AGO4: variants seen among roughly 807,000 people sequenced by gnomAD.
The protein encoded by AGO4 is protein argonaute-4.
Under a neutral mutation model 104.7 loss-of-function variants are expected in AGO4, and 33 were observed. The ratio of observed to expected loss-of-function variants is 0.32; its 90% CI spans 0.24 to 0.42. The LOEUF (loss-of-function observed/expected upper bound fraction) is 0.42. AGO4 is among the 10% of genes least tolerant of loss of function. AGO4 has a pLI of 1.00. For synonymous variants in AGO4, 331 were observed against 364.7 expected (o/e 0.91, Z 1.05); for missense variants, 711 against 1,083.4 (o/e 0.66, Z 4.83).
intron 15 of AGO4, among the ~76,000 whole-genome samples, chr1:35,844,140 C>G (rs1644512102): frequency 6.6e-6 from 1 of 152,114 alleles, no homozygotes. Flanking sequence ...CCCCCAGGCT[C>G]AGGTGATCCT....
rs143868810 is a variant in AGO4, at chr1:35,832,037, C to T, written c.1117-20C>T. On this transcript the variant is annotated intron_variant, in intron 9 of 17. Coordinates refer to ENST00000373210, the MANE Select transcript of AGO4 (RefSeq NM_017629.4). ...AGTTACTCTCTGGTTTTTATATATG[C>T]AGGCTTTCCTGTTCTTTAGGTGAAG... 5.6e-4 allele frequency: 897 copies of T among 1,606,642 alleles called. 3 individuals carry two copies. The highest frequency in any genetic ancestry group is 7.8e-4 in the Admixed American group (45 of 57,798).
chr1:35,847,094 C>A (rs1440728211), intron 15 of AGO4, among the ~76,000 whole-genome samples: 2 of 150,354 alleles, frequency 1.3e-5, no homozygotes, highest in Non-Finnish European at 2.9e-5. Flanking sequence ...GGTGTCCAAT[C>A]TTTTGGCTTC....
chr1:35,852,769 G>A (rs1644732335), intron 17 of AGO4, among the ~76,000 whole-genome samples: 1 of 152,154 alleles, frequency 6.6e-6, no homozygotes, highest in Non-Finnish European at 1.5e-5. Context: ...TTCTGTTAAA[G>A]CATGTTCCAG....
intron 15 of AGO4, among the ~76,000 whole-genome samples, chr1:35,843,605 TA>T (rs1644499783): frequency 6.6e-6 from 1 of 151,142 alleles, no homozygotes; most frequent in African/African-American, 2.4e-5. Flanking sequence ...AAAATTTAAA[TA>T]AAAAATAGAC....
chr1:35,809,783 G>A (rs116110272), intron 1 of AGO4, among the ~76,000 whole-genome samples: 211 of 152,126 alleles, frequency 1.4e-3, no homozygotes, highest in African/African-American at 4.8e-3. Flanking sequence ...ATAAATTGAG[G>A]GTAATAATAA....
chr1:35,837,740 G>T (rs1031566165), intron 13 of AGO4, among the ~76,000 whole-genome samples: 1 of 151,926 alleles, frequency 6.6e-6, no homozygotes, highest in African/African-American at 2.4e-5. Flanking sequence ...ATATTGGGTT[G>T]TGAGTCTTTT....
At chr1:35,831,303 G>A in intron 7 of AGO4, 124 bp from the exon 8 acceptor site, 2 of 1,017,466 alleles carry the variant, frequency 2.0e-6, no homozygotes, top group Non-Finnish European at 2.7e-6. Flanking sequence ...CGGAGGTTGA[G>A]ATCACGCCAT....
intron 7 of AGO4, 98 bp from the exon 8 acceptor site, chr1:35,831,329 C>T (rs745481641): frequency 5.3e-5 from 70 of 1,322,704 alleles, no homozygotes; most frequent in Middle Eastern, 2.7e-4. Context: ...CCAGCCTGGG[C>T]GACAGAGTGA....
chr1:35,838,418 C>T (rs978137083), intron 13 of AGO4, among the ~76,000 whole-genome samples: 2 of 152,056 alleles, frequency 1.3e-5, no homozygotes, highest in African/African-American at 4.8e-5. Flanking sequence ...AACTCCTGGG[C>T]TTAAGTGATC....
At chr1:35,853,388 T>C in intron 17 of AGO4, 109 bp from the exon 18 acceptor site, 1 of 786,212 alleles carries the variant, frequency 1.3e-6, no homozygotes, top group South Asian at 1.9e-5. Context: ...ACGTGTGAAG[T>C]TTGAAGTGGT....
chr1:35,856,147 A>G lies in AGO4; in HGVS notation c.*2542A>G, dbSNP rs533072741. ...GCCGGGAGGCCTATTTTTATAGGAA[A>G]ATAGTACCATTAAAGGTGCAATGCT... is the stretch of plus-strand genomic sequence containing the variant. On this transcript the variant is annotated 3_prime_UTR_variant, in exon 18 of 18. Transcript: ENST00000373210. 2 of 152,344 alleles carry G rather than the reference A, an allele frequency of 1.3e-5. No homozygotes were observed. The highest frequency in any genetic ancestry group is 2.9e-5 in the Non-Finnish European group (2 of 68,048). The allele number at this position is 152,344 out of a possible 1,614,324, so 9.4% of individuals were successfully genotyped here. A position where few individuals can be genotyped will look rare whatever the true frequency, so the allele number is the denominator to read the frequency against.
chr1:35,815,869 G>A (rs1232968273), intron 1 of AGO4, among the ~76,000 whole-genome samples: 4 of 152,124 alleles, frequency 2.6e-5, no homozygotes, highest in African/African-American at 4.8e-5. Flanking sequence ...AATTTGCCCC[G>A]GGTTGAGAAC....
At chr1:35,818,360 A>G (rs1467000706) in intron 2 of AGO4, among the ~76,000 whole-genome samples, 1 of 152,192 alleles carries the variant, frequency 6.6e-6, no homozygotes, top group Non-Finnish European at 1.5e-5. Context: ...GTGATGGCTC[A>G]TGCCTGTAAT....
At chr1:35,818,037 A>C (rs748050150) in intron 2 of AGO4, among the ~76,000 whole-genome samples, 1 of 152,236 alleles carries the variant, frequency 6.6e-6, no homozygotes, top group Non-Finnish European at 1.5e-5. Context: ...TAAATGAAGA[A>C]GCAAACAAAA....
chr1:35,831,343 A>G (rs1015588751), intron 7 of AGO4, 84 bp from the exon 8 acceptor site: 3 of 1,436,614 alleles, frequency 2.1e-6, no homozygotes, highest in East Asian at 2.3e-5. Flanking sequence ...AGAGTGAGAC[A>G]CTGTCTCAAA....
At chr1:35,809,785 T>C (rs1571246610) in intron 1 of AGO4, among the ~76,000 whole-genome samples, 1 of 152,130 alleles carries the variant, frequency 6.6e-6, no homozygotes, top group Non-Finnish European at 1.5e-5. Flanking sequence ...AAATTGAGGG[T>C]AATAATAAGT....
At position 35,854,804 on chromosome 1, in the gene AGO4, T is replaced by C. The variant is rs560369048; in HGVS notation, c.*1199T>C. 6.5e-6 allele frequency: 1 copy of C among 152,672 alleles called. No individual in the cohort carries two copies. Among genetic ancestry groups the C allele is most frequent in the Non-Finnish European group, 1.5e-5 (1 of 68,044 alleles). The allele number at this position is 152,672 out of a possible 1,614,324, so 9.5% of individuals were successfully genotyped here. ...TGCAAATGTACCAGCATTTAAAATT[T>C]CTTTTCCTGGGAATCAAGGTAACTC... On this transcript the variant is annotated 3_prime_UTR_variant, in exon 18 of 18. Transcript: ENST00000373210.
At chr1:35,820,966 C>G (rs902713442) in intron 2 of AGO4, among the ~76,000 whole-genome samples, 5 of 152,176 alleles carry the variant, frequency 3.3e-5, no homozygotes, top group Non-Finnish European at 7.4e-5. Flanking sequence ...AAGAAACAGA[C>G]AAGTGAAAGA....
rs60952067 is a variant in AGO4 at position 35,818,625 on chromosome 1, A to AAAAGAAAGAAAG, written c.185+1603_185+1614dup. ...GGCAACAGAGGGAGACTCTGTCTCA[A>AAAAGAAAGAAAG]AAAGAAAGAAAGAAAGAAAGAAAGA... On this transcript the variant is annotated intron_variant, in intron 2 of 17. Coordinates refer to ENST00000373210, the MANE Select transcript of AGO4 (RefSeq NM_017629.4). Among the ~76,000 whole-genome samples the AAAAGAAAGAAAG allele has an allele frequency of 6.0e-3, 760 of 126,094 alleles. 6 individuals carry two copies. The highest frequency in any genetic ancestry group is 0.015 in the Middle Eastern group (4 of 272). 82.7% of individuals were successfully genotyped at this position (126,094 alleles called of 152,430 possible). A position where few individuals can be genotyped will look rare whatever the true frequency, so the allele number is the denominator to read the frequency against.
Sources: gnomAD v4.1 joint callset for allele counts (sites outside exome capture counted in the v4.1 genomes callset) on GRCh38, gnomAD v4.1.1 for gene constraint, MANE v1.5 for transcripts, NCBI Gene and HGNC (gene_info 2026-07-23, HGNC 2026-07-21) for gene names.